GRID2: variants seen among roughly 807,000 people sequenced by gnomAD.
GRID2 encodes glutamate receptor ionotropic, delta-2.
Under a neutral mutation model 114.8 loss-of-function variants are expected in GRID2, and 33 were observed. The observed-to-expected ratio is 0.29, with a 90% CI of 0.22 to 0.38. The LOEUF is 0.38. GRID2 is among the 10% of genes least tolerant of loss of function. GRID2 has a pLI of 1.00. For synonymous variants in GRID2, 505 were observed against 449.9 expected (o/e 1.12, Z -1.55); for missense variants, 1,184 against 1,257.7 (o/e 0.94, Z 0.89).
At chr4:92,657,753 A>G (rs1732319115) in intron 2 of GRID2, among the ~76,000 whole-genome samples, 1 of 151,728 alleles carries the variant, frequency 6.6e-6, no homozygotes, top group Admixed American at 6.6e-5. Flanking sequence ...TTTATTGAAA[A>G]AATCCTTAGA....
At chr4:92,767,172 A>G (rs903624461) in intron 2 of GRID2, among the ~76,000 whole-genome samples, 3 of 152,246 alleles carry the variant, frequency 2.0e-5, no homozygotes, top group African/African-American at 7.2e-5. Context: ...AGACATAGTC[A>G]TGGAAAGCTG....
intron 1 of GRID2, among the ~76,000 whole-genome samples, chr4:92,360,232 A>G (rs776984097): frequency 6.6e-6 from 1 of 151,830 alleles, no homozygotes; most frequent in Non-Finnish European, 1.5e-5. Flanking sequence ...TCTCTTTTTA[A>G]TCTCATACTA....
intron 13 of GRID2, among the ~76,000 whole-genome samples, chr4:93,567,678 G>A (rs910159554): frequency 1.3e-5 from 2 of 152,186 alleles, no homozygotes; most frequent in Non-Finnish European, 2.9e-5. Flanking sequence ...CGTTGTGCCA[G>A]ACTTGCTCAG....
At chr4:93,020,530 A>T (rs1723180127) in intron 2 of GRID2, among the ~76,000 whole-genome samples, 1 of 152,196 alleles carries the variant, frequency 6.6e-6, no homozygotes, top group South Asian at 2.1e-4. Context: ...ATAGTTTTGC[A>T]TAACTTTGCT....
At chr4:92,902,981 G>T (rs1417463068) in intron 2 of GRID2, among the ~76,000 whole-genome samples, 1 of 151,926 alleles carries the variant, frequency 6.6e-6, no homozygotes, top group Non-Finnish European at 1.5e-5. Context: ...TTGAAGTCAG[G>T]TAATGTGATG....
At chr4:93,486,890 A>T (rs1726463772) in intron 11 of GRID2, among the ~76,000 whole-genome samples, 1 of 151,758 alleles carries the variant, frequency 6.6e-6, no homozygotes, top group South Asian at 2.1e-4. Context: ...TTCATGAAGA[A>T]TTTGTGTACA....
At chr4:93,105,122 G>A (rs571925989) in intron 3 of GRID2, among the ~76,000 whole-genome samples, 1 of 152,154 alleles carries the variant, frequency 6.6e-6, no homozygotes. Flanking sequence ...AGAAGTGTCT[G>A]TTCATGTCCT....
intron 4 of GRID2, among the ~76,000 whole-genome samples, chr4:93,204,303 T>C (rs1428288695): frequency 2.6e-5 from 4 of 152,090 alleles, no homozygotes; most frequent in Non-Finnish European, 4.4e-5. Context: ...ATAGACTCTT[T>C]CTTAAAAATG....
At chr4:92,327,911 G>A (rs1036220801) in intron 1 of GRID2, among the ~76,000 whole-genome samples, 6 of 151,940 alleles carry the variant, frequency 3.9e-5, no homozygotes, top group African/African-American at 1.2e-4. Context: ...ATTATTTACA[G>A]TAAGTCATTT....
intron 2 of GRID2, among the ~76,000 whole-genome samples, chr4:92,646,268 C>T (rs1579755532): frequency 1.3e-5 from 2 of 152,172 alleles, no homozygotes; most frequent in African/African-American, 4.8e-5. Context: ...GTCTTTAGCC[C>T]AATTTTTAAA....
chr4:92,463,889 AATCTT>A (rs1312296282), intron 1 of GRID2, among the ~76,000 whole-genome samples: 1 of 151,884 alleles, frequency 6.6e-6, no homozygotes, highest in Non-Finnish European at 1.5e-5. Flanking sequence ...CTATCTTGAG[AATCTT>A]ATCTTCCCAT....
At position 93,009,888 on chromosome 4, in the gene GRID2, T is replaced by C. The variant is rs574972569; in HGVS notation, c.245-75107T>C. 5.9e-5 allele frequency among the ~76,000 whole-genome samples: 9 copies of C among 152,228 alleles called. No homozygotes were observed. The South Asian group carries it at 1.9e-3, about 32-fold the overall frequency. ...TGATTCTTCAAAGTCCTCCTGCCTT[T>C]ACTAAGATAGATCTTCTCAAGTGCT... On this transcript the variant is annotated intron_variant, in intron 2 of 15. Coordinates refer to ENST00000282020, the MANE Select transcript of GRID2 (RefSeq NM_001510.4).
At chr4:92,761,525 A>G (rs1268234285) in intron 2 of GRID2, among the ~76,000 whole-genome samples, 1 of 152,198 alleles carries the variant, frequency 6.6e-6, no homozygotes, top group Non-Finnish European at 1.5e-5. Context: ...TTTGAGGTCA[A>G]AAGTGACCAA....
At chr4:92,539,211 G>A (rs560895536) in intron 1 of GRID2, among the ~76,000 whole-genome samples, 117 of 152,114 alleles carry the variant, frequency 7.7e-4, no homozygotes, top group African/African-American at 2.5e-3. Flanking sequence ...CACAATATAC[G>A]ATTTGCAGTT....
chr4:92,517,090 T>C (rs182662664), intron 1 of GRID2, among the ~76,000 whole-genome samples: 2 of 142,872 alleles, frequency 1.4e-5, no homozygotes, highest in East Asian at 3.9e-4. Flanking sequence ...GCTCTTTGCT[T>C]GTATAATAAT....
intron 11 of GRID2, among the ~76,000 whole-genome samples, chr4:93,479,300 C>T (rs988549762): frequency 3.3e-5 from 5 of 151,840 alleles, no homozygotes; most frequent in African/African-American, 1.2e-4. Flanking sequence ...TACCACAAAG[C>T]CTCAATTTGT....
intron 2 of GRID2, among the ~76,000 whole-genome samples, chr4:93,081,764 G>T (rs377344850): frequency 2.6e-5 from 4 of 152,168 alleles, no homozygotes; most frequent in East Asian, 1.9e-4. Flanking sequence ...ATAAATACAC[G>T]TTCTGATCTT....
intron 2 of GRID2, among the ~76,000 whole-genome samples, chr4:92,754,771 A>T (rs1427330467): frequency 6.6e-6 from 1 of 152,216 alleles, no homozygotes; most frequent in Non-Finnish European, 1.5e-5. Flanking sequence ...GGACAAATTC[A>T]GATGAGCAAA....
intron 1 of GRID2, among the ~76,000 whole-genome samples, chr4:92,352,576 T>C (rs923236725): frequency 6.6e-6 from 1 of 151,882 alleles, no homozygotes; most frequent in Non-Finnish European, 1.5e-5. Context: ...ATTTTCTGCT[T>C]TTTGTGTTTG....
Sources: gnomAD v4.1 joint callset for allele counts (sites outside exome capture counted in the v4.1 genomes callset) on GRCh38, gnomAD v4.1.1 for gene constraint, MANE v1.5 for transcripts, NCBI Gene and HGNC (gene_info 2026-07-23, HGNC 2026-07-21) for gene names.